Variants in IGF2BP2 observed in about 807,000 individuals in gnomAD.
The protein encoded by IGF2BP2 is insulin-like growth factor 2 mRNA-binding protein 2.
IGF2BP2 carries 17 observed loss-of-function variants against 75.8 expected under a neutral mutation model. The ratio of observed to expected loss-of-function variants is 0.22; its 90% CI spans 0.15 to 0.34. The LOEUF (loss-of-function observed/expected upper bound fraction) is 0.34. IGF2BP2 is among the 10% of genes least tolerant of loss of function. IGF2BP2 has a pLI of 1.00. For synonymous variants in IGF2BP2, 288 were observed against 295.6 expected (o/e 0.97, Z 0.26); for missense variants, 516 against 772.4 (o/e 0.67, Z 3.93).
Position 185,645,702 on chromosome 3 carries a change from C to T in IGF2BP2, c.1708-79G>A, listed in dbSNP as rs1713394163. ...TTCTGAGGACAAACGGCAGGGGAGG[C>T]TCTGGGGCTTGGGGATGAAGGGTGG... On this transcript the variant is annotated intron_variant, in intron 15 of 15. Transcript: ENST00000382199. This position sits in a 1 kb window ranked among gnomAD's most constrained non-coding sequence, Gnocchi z 4.9. 9.6e-7 allele frequency: 1 copy of T among 1,041,028 alleles called. No individual in the cohort carries two copies. 64.5% of individuals were successfully genotyped at this position (1,041,028 alleles called of 1,614,324 possible).
chr3:185,744,000 A>C (rs1329497833), intron 2 of IGF2BP2, among the ~76,000 whole-genome samples: 1 of 152,242 alleles, frequency 6.6e-6, no homozygotes, highest in Non-Finnish European at 1.5e-5. Context: ...CAGATAGTGC[A>C]AGTGGCACAA....
chr3:185,741,812 C>G (rs1406574092), intron 2 of IGF2BP2, among the ~76,000 whole-genome samples: 1 of 152,174 alleles, frequency 6.6e-6, no homozygotes, highest in East Asian at 1.9e-4. Flanking sequence ...CATGTTATAT[C>G]TATGACTGAG....
At chr3:185,712,431 A>C (rs779116292) in intron 2 of IGF2BP2, 13 of 152,172 alleles carry the variant, frequency 8.5e-5, no homozygotes, top group Non-Finnish European at 1.8e-4. Context: ...CCCACTCCTA[A>C]TAAAACATTT....
At chr3:185,790,055 T>G (rs1232679357) in intron 2 of IGF2BP2, among the ~76,000 whole-genome samples, 1 of 152,132 alleles carries the variant, frequency 6.6e-6, no homozygotes. Context: ...TCTTAATGCA[T>G]GGGCTGAGGA....
At chr3:185,703,973 G>A (rs1247474404) in intron 2 of IGF2BP2, among the ~76,000 whole-genome samples, 1 of 152,138 alleles carries the variant, frequency 6.6e-6, no homozygotes, top group Non-Finnish European at 1.5e-5. Flanking sequence ...CAGCTTGTAG[G>A]ATTCCAGCTT....
chr3:185,717,585 A>G (rs1725839531), intron 2 of IGF2BP2: 1 of 152,288 alleles, frequency 6.6e-6, no homozygotes, highest in African/African-American at 2.4e-5. Flanking sequence ...AAAGAAGCCC[A>G]TGGCTAAGAA....
At chr3:185,646,675 C>T (rs1713613423) in intron 15 of IGF2BP2, among the ~76,000 whole-genome samples, 1 of 152,164 alleles carries the variant, frequency 6.6e-6, no homozygotes. Context: ...GCCTGGCTCC[C>T]AGTGGGGAGG....
chr3:185,776,386 G>A (rs999667916), intron 2 of IGF2BP2, among the ~76,000 whole-genome samples: 1 of 152,210 alleles, frequency 6.6e-6, no homozygotes, highest in Non-Finnish European at 1.5e-5. Context: ...ACAGGTCTTA[G>A]TTGTGGATTG....
At chr3:185,701,976 G>C (rs1028644460) in intron 2 of IGF2BP2, among the ~76,000 whole-genome samples, 4 of 152,072 alleles carry the variant, frequency 2.6e-5, no homozygotes, top group African/African-American at 9.7e-5. Context: ...TTCCCCGGGA[G>C]GGACTCTGGC....
intron 2 of IGF2BP2, among the ~76,000 whole-genome samples, chr3:185,727,632 T>C (rs1029183724): frequency 2.6e-5 from 4 of 152,220 alleles, no homozygotes; most frequent in African/African-American, 9.6e-5. Flanking sequence ...CTATATTTAC[T>C]TTTTTCCTAA....
Position 185,672,525 on chromosome 3 carries a change from A to G in IGF2BP2, c.1200+16T>C. ...GCCCAGCGCATAAGCAAACCTCCAC[A>G]AGCTGAGCTACTTACAGTGAAGGGG... On this transcript the variant is annotated intron_variant, in intron 10 of 15. Coordinates refer to ENST00000382199, the MANE Select transcript of IGF2BP2 (RefSeq NM_006548.6). 1.2e-6 allele frequency: 2 copies of G among 1,610,292 alleles called. No homozygotes were observed. The highest frequency in any genetic ancestry group is 1.7e-6 in the Non-Finnish European group (2 of 1,178,282).
At chr3:185,661,041 A>T (rs758883301) in intron 10 of IGF2BP2, among the ~76,000 whole-genome samples, 4 of 152,264 alleles carry the variant, frequency 2.6e-5, no homozygotes, top group African/African-American at 4.8e-5. Context: ...AGAGATTTTT[A>T]AAATTAGCTG....
At chr3:185,652,218 C>A in intron 12 of IGF2BP2, 50 bp from the exon 13 acceptor site, 1 of 1,504,346 alleles carries the variant, frequency 6.6e-7, no homozygotes. Flanking sequence ...CATTCCCCAG[C>A]CCCTCTTTCT....
chr3:185,724,898 T>C (rs951514787), intron 2 of IGF2BP2: 4 of 152,194 alleles, frequency 2.6e-5, no homozygotes, highest in African/African-American at 9.7e-5. Context: ...CAGTGATAGT[T>C]TGTGACTGCT....
At position 185,643,562 on chromosome 3, in the gene IGF2BP2, A is replaced by T. The variant is rs1201012148; in HGVS notation, c.*1969T>A. Among the ~76,000 whole-genome samples the T allele has an allele frequency of 6.6e-6, 1 of 152,040 alleles. No homozygotes were observed. The highest frequency in any genetic ancestry group is 1.5e-5 in the Non-Finnish European group (1 of 68,022). ...CTGGTCTGGGGACTACACTTTGACCACCGATCTAGTTTAGCTTCTCCCAAA... is the reference window on the plus strand; with the variant it reads ...CTGGTCTGGGGACTACACTTTGACCTCCGATCTAGTTTAGCTTCTCCCAAA... On this transcript the variant is annotated 3_prime_UTR_variant, in exon 16 of 16. Coordinates refer to ENST00000382199, the MANE Select transcript of IGF2BP2 (RefSeq NM_006548.6).
In IGF2BP2 at chr3:185,745,371, A is replaced by C. The variant is rs530241826; in HGVS notation, c.240-47024T>G. On this transcript the variant is annotated intron_variant, in intron 2 of 15. Coordinates refer to ENST00000382199, the MANE Select transcript of IGF2BP2 (RefSeq NM_006548.6). ...AATAGTTACTTGGGAGGCCAGGGAAAGAGAATAAACTTTTCAAAAGTACAG... is the reference window on the plus strand; with the variant it reads ...AATAGTTACTTGGGAGGCCAGGGAACGAGAATAAACTTTTCAAAAGTACAG... 2.6e-5 allele frequency among the ~76,000 whole-genome samples: 4 copies of C among 152,334 alleles called. No individual in the cohort carries two copies. The South Asian group carries it at 8.3e-4, about 32-fold the overall frequency.
chr3:185,727,371 A>G (rs1232226339), intron 2 of IGF2BP2, among the ~76,000 whole-genome samples: 1 of 152,180 alleles, frequency 6.6e-6, no homozygotes, highest in Non-Finnish European at 1.5e-5. Flanking sequence ...CGGGCTATGC[A>G]CCAGCCTTAG....
intron 12 of IGF2BP2, among the ~76,000 whole-genome samples, chr3:185,656,664 G>T (rs900521908): frequency 1.3e-5 from 2 of 152,200 alleles, no homozygotes; most frequent in African/African-American, 4.8e-5. Flanking sequence ...CAGGACCAGG[G>T]GCAAATAATC....
intron 2 of IGF2BP2, among the ~76,000 whole-genome samples, chr3:185,770,215 A>G (rs1289698051): frequency 6.6e-6 from 1 of 152,188 alleles, no homozygotes; most frequent in African/African-American, 2.4e-5. Context: ...TTTACATCAG[A>G]AAAATGAAGT....
Sources: allele counts gnomAD v4.1 joint callset (sites outside exome capture counted in the v4.1 genomes callset), GRCh38; gene constraint gnomAD v4.1.1; non-coding constraint Gnocchi (gnomAD v3.1); transcripts MANE v1.5; gene names NCBI Gene and HGNC (gene_info 2026-07-23, HGNC 2026-07-21).